The following PCDH15 variants were observed in gnomAD, a reference collection of about 807,000 sequenced individuals.
PCDH15 encodes protocadherin related 15, also known as protocadherin-15.
Under a neutral mutation model 178.5 loss-of-function variants are expected in PCDH15, and 129 were observed. That is an observed-to-expected ratio of 0.72 (90% CI 0.63 to 0.84). The LOEUF is 0.84. Ranked by LOEUF, PCDH15 falls within the 40% of genes least tolerant of loss-of-function variation. The probability of loss-of-function intolerance (pLI) is 0.00; values close to 1 mark genes in which losing one functional copy is unlikely to be tolerated. For missense variants in PCDH15, 2,230 were observed against 2,099.9 expected (o/e 1.06, Z -1.21); for synonymous variants, 800 against 732.0 (o/e 1.09, Z -1.50).
intron 2 of PCDH15, among the ~76,000 whole-genome samples, chr10:55,125,674 A>G (rs1271260622): frequency 6.6e-6 from 1 of 152,152 alleles, no homozygotes; most frequent in East Asian, 1.9e-4. Context: ...CCAGGTCTTC[A>G]TGGTACCAAT....
chr10:54,031,493 G>A (rs543424473), intron 18 of PCDH15, among the ~76,000 whole-genome samples: 20 of 151,956 alleles, frequency 1.3e-4, no homozygotes, highest in African/African-American at 4.8e-4. Context: ...ATTGTTTTGT[G>A]GAGTGTACAA....
rs978154266 is a variant in PCDH15, at chr10:55,063,621, A to G, written c.-80+102955T>C. ...TGTATGTATTTCTGTTGAAGAGGGC[A>G]TATTTCTTGTATTATTAAAATTAAT... is the stretch of plus-strand genomic sequence containing the variant. On this transcript the variant is annotated intron_variant, in intron 2 of 5. Coordinates refer to the PCDH15 transcript ENST00000458638. Among the ~76,000 whole-genome samples, 15 of 152,250 alleles carry G rather than the reference A, an allele frequency of 9.9e-5. No individual in the cohort carries two copies. The East Asian group carries it at 2.9e-3, about 29-fold the overall frequency.
intron 2 of PCDH15, among the ~76,000 whole-genome samples, chr10:55,507,694 G>A (rs1840789695): frequency 1.4e-5 from 2 of 147,520 alleles, no homozygotes; most frequent in Non-Finnish European, 3.0e-5. Context: ...ACCAATTTGG[G>A]TCTTTATGAA....
intron 15 of PCDH15, among the ~76,000 whole-genome samples, chr10:54,114,927 A>G (rs1322321243): frequency 6.6e-6 from 1 of 152,178 alleles, no homozygotes; most frequent in Non-Finnish European, 1.5e-5. Context: ...ATCTTAGGTA[A>G]TCTGAGAAGC....
At chr10:54,839,776 C>G (rs979471282) in intron 3 of PCDH15, among the ~76,000 whole-genome samples, 1 of 151,978 alleles carries the variant, frequency 6.6e-6, no homozygotes, top group Non-Finnish European at 1.5e-5. Flanking sequence ...ATAAGCAACT[C>G]ATCACATACA....
At chr10:55,319,173 C>T (rs1197948338) in intron 1 of PCDH15, among the ~76,000 whole-genome samples, 1 of 152,058 alleles carries the variant, frequency 6.6e-6, no homozygotes, top group Non-Finnish European at 1.5e-5. Context: ...TCAAAGTAAA[C>T]AGTCTCAAAA....
At chr10:54,627,738 T>A (rs1020862455) in intron 2 of PCDH15, among the ~76,000 whole-genome samples, 3 of 152,202 alleles carry the variant, frequency 2.0e-5, no homozygotes, top group Admixed American at 6.5e-5. Context: ...GCTGGGATTG[T>A]TAACCTGGGA....
chr10:54,291,473 A>G (rs2133016961), intron 8 of PCDH15, among the ~76,000 whole-genome samples: 1 of 152,356 alleles, frequency 6.6e-6, no homozygotes, highest in Admixed American at 6.5e-5. Context: ...AAGTAATATC[A>G]GAGCAGAACT....
intron 2 of PCDH15, among the ~76,000 whole-genome samples, chr10:55,073,251 C>G (rs1841798361): frequency 6.6e-6 from 1 of 151,834 alleles, no homozygotes; most frequent in Admixed American, 6.6e-5. Context: ...CTGGCTAGGG[C>G]AATTAGGCAG....
In PCDH15 at chr10:54,457,463, A is replaced by G. The variant is rs917447684; in HGVS notation, c.157+70349T>C. Among the ~76,000 whole-genome samples, 3 of 152,124 alleles carry G rather than the reference A, an allele frequency of 2.0e-5. No homozygotes were observed. The East Asian group carries it at 5.8e-4, about 29-fold the overall frequency. On this transcript the variant is annotated intron_variant, in intron 3 of 37. Transcript: ENST00000644397. The stretch of plus-strand genomic sequence containing the variant: ...TCCTAATCTTTCACATTACATTCCT[A>G]TATTGCACCATTTCAGAATTTTCTG...
chr10:54,946,184 A>G (rs574055008), intron 2 of PCDH15, among the ~76,000 whole-genome samples: 1 of 151,990 alleles, frequency 6.6e-6, no homozygotes, highest in African/African-American at 2.4e-5. Context: ...TGAATTTCAA[A>G]AACTGTGATA....
intron 1 of PCDH15, among the ~76,000 whole-genome samples, chr10:54,780,140 C>T (rs571297396): frequency 1.3e-5 from 2 of 152,260 alleles, no homozygotes; most frequent in East Asian, 1.9e-4. Context: ...ATAAGTAAGA[C>T]ACTACTTCGT....
At chr10:54,429,996 A>G (rs1468778142) in intron 3 of PCDH15, among the ~76,000 whole-genome samples, 9 of 150,672 alleles carry the variant, frequency 6.0e-5, no homozygotes, top group African/African-American at 2.2e-4. Flanking sequence ...TCTAATAGAT[A>G]TTTACAGAAC....
chr10:54,780,494 G>A (rs1950251595), intron 1 of PCDH15, among the ~76,000 whole-genome samples: 2 of 152,086 alleles, frequency 1.3e-5, no homozygotes, highest in Admixed American at 1.3e-4. Context: ...ATTTTTTAAT[G>A]TACAATTCTT....
rs544220503 is a variant in PCDH15 at position 54,179,481 on chromosome 10, A to G, written c.1590+3963T>C. ...TATACCTAATGCTAAATGACGAGTTATTGGGTGCAGCACACCAGCATGGCA... is the reference window on the plus strand; with the variant it reads ...TATACCTAATGCTAAATGACGAGTTGTTGGGTGCAGCACACCAGCATGGCA... On this transcript the variant is annotated intron_variant, in intron 13 of 37. Coordinates refer to ENST00000644397, the MANE Select transcript of PCDH15 (RefSeq NM_001384140.1). Among the ~76,000 whole-genome samples, 9 of 151,922 alleles carry G rather than the reference A, an allele frequency of 5.9e-5. No homozygotes were observed. The East Asian group carries it at 1.8e-3, about 30-fold the overall frequency.
chr10:54,803,816 A>G (rs73268236), upstream of PCDH15, among the ~76,000 whole-genome samples: 571 of 152,324 alleles, frequency 3.7e-3, 1 homozygote, highest in African/African-American at 0.013. Context: ...GAACATTGAA[A>G]ACATTAACAT....
Position 54,842,258 on chromosome 10 carries a change from T to C in PCDH15, c.-29+55192A>G, listed in dbSNP as rs1019979244. On this transcript the variant is annotated intron_variant, in intron 3 of 5. Coordinates refer to the PCDH15 transcript ENST00000458638. ...TGAGACAGATTTAATTGGTAGAGTCTTCGTAATTTTATTTTTTCTCCATCC... is the reference window on the plus strand; with the variant it reads ...TGAGACAGATTTAATTGGTAGAGTCCTCGTAATTTTATTTTTTCTCCATCC... Among the ~76,000 whole-genome samples, 3 of 151,576 alleles carry C rather than the reference T, an allele frequency of 2.0e-5. No homozygotes were observed. In the South Asian group the frequency reaches 6.2e-4, roughly 31 times the overall value.
intron 2 of PCDH15, among the ~76,000 whole-genome samples, chr10:54,570,372 T>C (rs2089641385): frequency 6.6e-6 from 1 of 152,194 alleles, no homozygotes; most frequent in South Asian, 2.1e-4. Context: ...TAAACCTGAA[T>C]ATATTATAAT....
intron 1 of PCDH15, among the ~76,000 whole-genome samples, chr10:55,314,197 G>GTATATATATATATA (rs1025773854): frequency 3.3e-5 from 4 of 119,762 alleles, no homozygotes; most frequent in African/African-American, 1.2e-4. Context: ...ATATGTTTGT[G>GTATATATATATATA]TGTATATATA....
Sources: gnomAD v4.1 joint callset for allele counts (sites outside exome capture counted in the v4.1 genomes callset) on GRCh38, gnomAD v4.1.1 for gene constraint, MANE v1.5 for transcripts, NCBI Gene and HGNC (gene_info 2026-07-23, HGNC 2026-07-21) for gene names.